The following DPP10 variants were observed in gnomAD, a reference collection of about 807,000 sequenced individuals.
DPP10 encodes the protein inactive dipeptidyl peptidase 10.
DPP10 carries 33 observed loss-of-function variants against 120.9 expected under a neutral mutation model. The ratio of observed to expected loss-of-function variants is 0.27; its 90% CI spans 0.21 to 0.37. The LOEUF is 0.37. Ranked by LOEUF, DPP10 falls within the 10% of genes least tolerant of loss-of-function variation. The pLI is 1.00. For synonymous variants in DPP10, 337 were observed against 326.1 expected, an observed-to-expected ratio of 1.03 and a Z score of -0.36; for missense variants, 816 against 942.8, an observed-to-expected ratio of 0.87 and a Z score of 1.76.
At chr2:114,740,062 G>A (rs1403862247) in intron 1 of DPP10, among the ~76,000 whole-genome samples, 2 of 151,642 alleles carry the variant, frequency 1.3e-5, no homozygotes, top group Non-Finnish European at 2.9e-5. Flanking sequence ...GCACACGTAT[G>A]TTTATTGCAG....
chr2:114,692,894 A>G (rs1215758098), intron 1 of DPP10, among the ~76,000 whole-genome samples: 1 of 151,980 alleles, frequency 6.6e-6, no homozygotes, highest in African/African-American at 2.4e-5. Flanking sequence ...AGAAACTAGG[A>G]TTGCAACCCC....
chr2:115,183,914 C>T (rs1376938739), intron 1 of DPP10, among the ~76,000 whole-genome samples: 4 of 152,060 alleles, frequency 2.6e-5, no homozygotes, highest in Non-Finnish European at 4.4e-5. Context: ...TTCATGGGGG[C>T]CTCTAAAAGT....
At chr2:114,812,583 G>GACACACACACACACACACACACACAC (rs3036385) in intron 1 of DPP10, among the ~76,000 whole-genome samples, 1 of 134,460 alleles carries the variant, frequency 7.4e-6, no homozygotes, top group Non-Finnish European at 1.6e-5. Context: ...GTGAGACATT[G>GACACACACACACACACACACACACAC]ACACACACAC....
At chr2:115,373,043 T>C (rs893778374) in intron 3 of DPP10, among the ~76,000 whole-genome samples, 1 of 152,200 alleles carries the variant, frequency 6.6e-6, no homozygotes, top group East Asian at 1.9e-4. Context: ...ACGGTAAGAA[T>C]AGTATAGTCT....
chr2:115,537,994 C>G (rs1409986182), intron 5 of DPP10, among the ~76,000 whole-genome samples: 4 of 151,960 alleles, frequency 2.6e-5, no homozygotes, highest in Non-Finnish European at 5.9e-5. Flanking sequence ...TAAGGCTTCC[C>G]CCAGTCTAGG....
At chr2:115,103,138 G>A (rs1038148544) in intron 1 of DPP10, among the ~76,000 whole-genome samples, 9 of 149,752 alleles carry the variant, frequency 6.0e-5, no homozygotes, top group Admixed American at 5.3e-4. Context: ...TAAAACAGGG[G>A]TTTTCAGTTG....
intron 3 of DPP10, among the ~76,000 whole-genome samples, chr2:115,345,327 T>TA (rs1450355305): frequency 6.6e-6 from 1 of 152,176 alleles, no homozygotes; most frequent in Non-Finnish European, 1.5e-5. Flanking sequence ...ATATACACTA[T>TA]AATGAGTGCT....
intron 1 of DPP10, among the ~76,000 whole-genome samples, chr2:115,218,507 T>A (rs533243008): frequency 6.6e-6 from 1 of 152,238 alleles, no homozygotes; most frequent in Non-Finnish European, 1.5e-5. Context: ...AGCTGTAAGG[T>A]TTCCAACATC....
intron 1 of DPP10, among the ~76,000 whole-genome samples, chr2:115,090,898 G>A (rs927872675): frequency 6.6e-6 from 1 of 152,150 alleles, no homozygotes; most frequent in African/African-American, 2.4e-5. Context: ...GGTTTGGAAT[G>A]TTTCTGGTCG....
chr2:114,514,811 G>C (rs1045667212), intron 1 of DPP10, among the ~76,000 whole-genome samples: 1 of 151,512 alleles, frequency 6.6e-6, no homozygotes, highest in African/African-American at 2.4e-5. Flanking sequence ...TTGGAGGCAG[G>C]AATAAAGCAG....
chr2:114,826,621 C>T (rs777086276), intron 1 of DPP10, among the ~76,000 whole-genome samples: 1 of 152,172 alleles, frequency 6.6e-6, no homozygotes, highest in Non-Finnish European at 1.5e-5. Context: ...ACCTCCGCCT[C>T]CCAGGTTCAA....
At chr2:114,800,933 G>T (rs1002728129) in intron 1 of DPP10, among the ~76,000 whole-genome samples, 1 of 90,126 alleles carries the variant, frequency 1.1e-5, no homozygotes, top group African/African-American at 4.1e-5. Flanking sequence ...GAAAAAAATG[G>T]GAATTAAAAA....
In DPP10 at chr2:114,810,183, G is replaced by A. The variant is rs149476174; in HGVS notation, c.60+367345G>A. On this transcript the variant is annotated intron_variant, in intron 1 of 25. Transcript: ENST00000410059. ...ATATTTTTCCACCGTTTTACTTCTC[G>A]ATCTGAACTCTTGGTTTACTTTATT... Among the ~76,000 whole-genome samples the A allele has an allele frequency of 2.2e-4, 33 of 152,204 alleles. 2 individuals carry two copies. The highest frequency in any genetic ancestry group is 7.2e-4 in the African/African-American group (30 of 41,532).
intron 1 of DPP10, among the ~76,000 whole-genome samples, chr2:114,726,153 G>A (rs1224236515): frequency 1.3e-5 from 2 of 151,514 alleles, no homozygotes; most frequent in Non-Finnish European, 2.9e-5. Context: ...GGAGAATGGC[G>A]TGAACCCGGG....
At chr2:115,241,124 C>A (rs958929654) in intron 1 of DPP10, among the ~76,000 whole-genome samples, 1 of 152,132 alleles carries the variant, frequency 6.6e-6, no homozygotes, top group Non-Finnish European at 1.5e-5. Flanking sequence ...CAAAAATTAG[C>A]TGGGCGTGGT....
intron 1 of DPP10, among the ~76,000 whole-genome samples, chr2:115,046,713 A>G (rs2105325724): frequency 6.6e-6 from 1 of 152,252 alleles, no homozygotes; most frequent in East Asian, 1.9e-4. Flanking sequence ...TTATGGAGTG[A>G]AGAACACAAC....
Position 114,961,448 on chromosome 2 carries a change from C to CGTGTGT in DPP10, c.61-347773_61-347768dup, listed in dbSNP as rs74265866. On this transcript the variant is annotated intron_variant, in intron 1 of 25. Coordinates refer to ENST00000410059, the MANE Select transcript of DPP10 (RefSeq NM_020868.6). Reference sequence around the variant, plus strand: ...CTTTGTGTGTGTTTGTGTTTGAATGCGTGTGTGTGTGTGTGTGTGTGTGCG... The same window carrying CGTGTGT: ...CTTTGTGTGTGTTTGTGTTTGAATGCGTGTGTGTGTGTGTGTGTGTGTGTGTGTGCG... Among the ~76,000 whole-genome samples the CGTGTGT allele has an allele frequency of 1.3e-3, 189 of 150,368 alleles. 1 individual carries two copies. Among genetic ancestry groups the CGTGTGT allele is most frequent in the African/African-American group, 4.3e-3 (175 of 40,976 alleles).
At chr2:115,682,391 A>G (rs769412612) in intron 5 of DPP10, among the ~76,000 whole-genome samples, 2 of 151,868 alleles carry the variant, frequency 1.3e-5, no homozygotes. Flanking sequence ...AGAGTGTAGT[A>G]TGGTGAAAGT....
chr2:115,265,706 T>A (rs1381579698), intron 1 of DPP10, among the ~76,000 whole-genome samples: 1 of 151,932 alleles, frequency 6.6e-6, no homozygotes, highest in Non-Finnish European at 1.5e-5. Context: ...GGGATAAGGG[T>A]CAGGGAAAGG....
Sources: allele counts gnomAD v4.1 joint callset (sites outside exome capture counted in the v4.1 genomes callset), GRCh38; gene constraint gnomAD v4.1.1; transcripts MANE v1.5; gene names NCBI Gene and HGNC (gene_info 2026-07-23, HGNC 2026-07-21).